The following MAMLD1 variants were observed in gnomAD, a reference collection of about 807,000 sequenced individuals.
The protein encoded by MAMLD1 is mastermind-like domain-containing protein 1.
A neutral mutation model predicts 45.0 loss-of-function variants in MAMLD1; 14 were observed. The ratio of observed to expected loss-of-function variants is 0.31; its 90% CI spans 0.21 to 0.49. The LOEUF (loss-of-function observed/expected upper bound fraction) is 0.49. MAMLD1 is among the 20% of genes least tolerant of loss of function. The pLI is 0.99. For missense variants in MAMLD1, 543 were observed against 603.6 expected (o/e 0.90, Z 1.05); for synonymous variants, 254 against 247.8 (o/e 1.02, Z -0.24).
intron 5 of MAMLD1, among the ~76,000 whole-genome samples, chrX:150,480,057 C>T (rs1557407096): frequency 1.8e-5 from 2 of 111,862 alleles, no homozygotes; most frequent in South Asian, 3.7e-4. Flanking sequence ...ACTCTCAGAT[C>T]CACTTCTGAC....
intron 6 of MAMLD1, among the ~76,000 whole-genome samples, chrX:150,506,601 C>T (rs2266842): frequency 0.089 from 9,943 of 111,967 alleles, 392 homozygotes; most frequent in Middle Eastern, 0.19. Context: ...TCTCAGTCCC[C>T]GAATCGTTTG....
At chrX:150,410,467 G>T (rs1281496402) in intron 1 of MAMLD1, among the ~76,000 whole-genome samples, 2 of 111,775 alleles carry the variant, frequency 1.8e-5, no homozygotes, top group Non-Finnish European at 3.8e-5. Context: ...TTTTGGAGGG[G>T]AGAGACAGAC....
At chrX:150,367,424 G>T (rs148405642) in intron 1 of MAMLD1, among the ~76,000 whole-genome samples, 1 of 111,817 alleles carries the variant, frequency 8.9e-6, no homozygotes, top group African/African-American at 3.3e-5. Context: ...AAATGCACCT[G>T]TTAATGGATG....
intron 1 of MAMLD1, among the ~76,000 whole-genome samples, chrX:150,403,940 A>AAAAAAAGAAAGAAAGAAAG (rs1557402565): frequency 1.7e-5 from 1 of 58,882 alleles, no homozygotes; most frequent in Non-Finnish European, 3.2e-5. Flanking sequence ...AGAAAGAAAG[A>AAAAAAAGAAAGAAAGAAAG]AAAGAAAGAA....
intron 1 of MAMLD1, among the ~76,000 whole-genome samples, chrX:150,379,911 G>T (rs782067632): frequency 1.2e-4 from 13 of 111,616 alleles, no homozygotes; most frequent in Non-Finnish European, 2.3e-4. Context: ...ATGTACCATA[G>T]ATTATTCAAC....
rs782572843 is a variant in MAMLD1 at position 150,469,746 on chromosome X, G to A, written c.173G>A (p.Gly58Glu). ...YKSSPGRKHQGTVKRRQEEDH... is the reference protein window; with the variant it reads ...YKSSPGRKHQETVKRRQEEDH... ...TCTTCTCTTCTCTTCCATTCACAGG[G>A]AACTGTTAAGAGGAGACAAGAAGAA... The change falls in exon 4 of 8, where the codon GGA becomes GAA. Residue 58 changes from glycine to glutamate, a missense_variant and splice_region_variant. Coordinates refer to ENST00000370401, the MANE Select transcript of MAMLD1 (RefSeq NM_005491.5). The A allele has an allele frequency of 2.5e-6, 3 of 1,206,686 alleles. No individual in the cohort carries two copies. The highest frequency in any genetic ancestry group is 3.4e-6 in the Non-Finnish European group (3 of 893,149).
At chrX:150,390,620 T>C (rs1231674389) in intron 1 of MAMLD1, among the ~76,000 whole-genome samples, 1 of 112,487 alleles carries the variant, frequency 8.9e-6, no homozygotes, top group Non-Finnish European at 1.9e-5. Context: ...AATGTAATTA[T>C]CTTAAATATT....
intron 1 of MAMLD1, among the ~76,000 whole-genome samples, chrX:150,392,219 CT>C (rs1557402190): frequency 1.8e-5 from 2 of 112,286 alleles, no homozygotes. Context: ...GCTGCCTATT[CT>C]TCCTTATTCA....
At chrX:150,479,965 C>T (rs918280958) in intron 5 of MAMLD1, among the ~76,000 whole-genome samples, 13 of 111,401 alleles carry the variant, frequency 1.2e-4, no homozygotes, top group South Asian at 3.8e-4. Context: ...GAATCAAAGA[C>T]GTGACCCTTC....
chrX:150,455,087 A>G (rs1007599881), intron 2 of MAMLD1, among the ~76,000 whole-genome samples: 2 of 111,691 alleles, frequency 1.8e-5, no homozygotes, highest in Non-Finnish European at 3.8e-5. Context: ...CAGTGAAATA[A>G]GTACATGTTT....
intron 1 of MAMLD1, among the ~76,000 whole-genome samples, chrX:150,409,057 G>A (rs2034062589): frequency 8.9e-6 from 1 of 111,775 alleles, no homozygotes; most frequent in Admixed American, 9.4e-5. Flanking sequence ...TGCTATACAG[G>A]TGCTCCAACA....
intron 1 of MAMLD1, among the ~76,000 whole-genome samples, chrX:150,393,805 G>A (rs1557402214): frequency 8.9e-6 from 1 of 111,870 alleles, no homozygotes; most frequent in Non-Finnish European, 1.9e-5. Flanking sequence ...ATATTGTTGA[G>A]TTTTAAGAGT....
At chrX:150,387,884 A>C (rs1557402093) in intron 1 of MAMLD1, among the ~76,000 whole-genome samples, 1 of 111,864 alleles carries the variant, frequency 8.9e-6, no homozygotes, top group African/African-American at 3.2e-5. Context: ...GATAAACTCC[A>C]CTTGGTCATG....
At chrX:150,459,486 C>G (rs968244593) in intron 2 of MAMLD1, among the ~76,000 whole-genome samples, 2 of 109,143 alleles carry the variant, frequency 1.8e-5, no homozygotes, top group Non-Finnish European at 3.8e-5. Context: ...CCAAGCCCCA[C>G]TTCTGCTTGA....
At chrX:150,366,620 C>T (rs1383187586) in intron 1 of MAMLD1, among the ~76,000 whole-genome samples, 2 of 112,050 alleles carry the variant, frequency 1.8e-5, no homozygotes, top group African/African-American at 6.5e-5. Flanking sequence ...CTTAAAGTAA[C>T]AGCCCTCTTT....
intron 3 of MAMLD1, 49 bp from the exon 4 acceptor site, chrX:150,469,694 CTT>C (rs1460016121): frequency 1.0e-6 from 1 of 963,775 alleles, no homozygotes; most frequent in African/African-American, 2.1e-5. Context: ...TGTCACCTCT[CTT>C]CCCTTCTCCT....
chrX:150,486,602 C>G (rs1749176348), intron 5 of MAMLD1, among the ~76,000 whole-genome samples: 1 of 111,319 alleles, frequency 9.0e-6, no homozygotes, highest in Non-Finnish European at 1.9e-5. Flanking sequence ...ACCTTCCTTC[C>G]CACGCATACA....
intron 1 of MAMLD1, among the ~76,000 whole-genome samples, chrX:150,388,552 G>A (rs2033034189): frequency 8.9e-6 from 1 of 112,041 alleles, no homozygotes; most frequent in African/African-American, 3.2e-5. Flanking sequence ...TATTCAAATT[G>A]TTTATTTTGG....
chrX:150,398,237 G>A (rs1251841690), intron 1 of MAMLD1, among the ~76,000 whole-genome samples: 1 of 83,601 alleles, frequency 1.2e-5, no homozygotes, highest in Non-Finnish European at 2.4e-5. Context: ...GGAGAAGAAG[G>A]AGAAGGAGGA....
Sources: allele counts gnomAD v4.1 joint callset (sites outside exome capture counted in the v4.1 genomes callset), GRCh38; gene constraint gnomAD v4.1.1; transcripts MANE v1.5; gene names NCBI Gene and HGNC (gene_info 2026-07-23, HGNC 2026-07-21).